HIVEP1: variants seen among roughly 807,000 people sequenced by gnomAD.
HIVEP1 encodes the protein HIVEP zinc finger 1.
A neutral mutation model predicts 180.0 loss-of-function variants in HIVEP1; 36 were observed. The ratio of observed to expected loss-of-function variants is 0.20; its 90% CI spans 0.15 to 0.26. HIVEP1 has a LOEUF of 0.26. HIVEP1 is among the 10% of genes least tolerant of loss of function. HIVEP1 has a pLI of 1.00. For synonymous variants in HIVEP1, 1,239 were observed against 1,239.0 expected (o/e 1.00, Z 0.00); for missense variants, 3,143 against 3,268.7 (o/e 0.96, Z 0.94).
chr6:12,026,535 GA>G (rs1768598011), intron 2 of HIVEP1, among the ~76,000 whole-genome samples: 1 of 152,196 alleles, frequency 6.6e-6, no homozygotes, highest in African/African-American at 2.4e-5. Flanking sequence ...CTCTAAGGAA[GA>G]AAAGAGGAAA....
chr6:12,117,290 G>A (rs1487271224), intron 3 of HIVEP1, among the ~76,000 whole-genome samples: 1 of 152,138 alleles, frequency 6.6e-6, no homozygotes, highest in African/African-American at 2.4e-5. Flanking sequence ...TATAAACAAC[G>A]ATACAGATAA....
intron 3 of HIVEP1, among the ~76,000 whole-genome samples, chr6:12,108,824 G>T (rs56872972): frequency 6.6e-6 from 1 of 152,218 alleles, no homozygotes; most frequent in Non-Finnish European, 1.5e-5. Flanking sequence ...GGCCAGCCCA[G>T]AAAGGGGCTC....
intron 2 of HIVEP1, among the ~76,000 whole-genome samples, chr6:12,054,165 G>A (rs182360005): frequency 6.6e-6 from 1 of 152,236 alleles, no homozygotes; most frequent in East Asian, 1.9e-4. Context: ...AGATATTTGG[G>A]ATTATTACAT....
upstream of HIVEP1, chr6:12,008,423 C>T (rs574407906): frequency 5.3e-5 from 8 of 152,170 alleles, no homozygotes; most frequent in African/African-American, 9.7e-5. Context: ...ATGTAGGAGG[C>T]CTCCCGCTGT....
intron 2 of HIVEP1, among the ~76,000 whole-genome samples, chr6:12,036,277 T>A (rs1289882416): frequency 6.6e-6 from 1 of 152,234 alleles, no homozygotes; most frequent in Non-Finnish European, 1.5e-5. Flanking sequence ...CAGTGCAGAC[T>A]AATAAATTGA....
At chr6:12,085,070 A>G (rs76409629) in intron 2 of HIVEP1, among the ~76,000 whole-genome samples, 3,332 of 152,228 alleles carry the variant, frequency 0.022, 52 homozygotes, top group Middle Eastern at 0.031. Context: ...TTCAGAATGC[A>G]GGTTCTGTGT....
In HIVEP1 at chr6:12,122,333, T is replaced by C. The variant is rs1187921173; in HGVS notation, c.2538T>C (p.Gly846=). ...ITRSNSMPTT[G]YSAVPANIIP... Reference sequence around the variant, plus strand: ...GAAGTAATTCCATGCCGACCACAGGTTATTCAGCAGTACCTGCAAATATAA... The same window carrying C: ...GAAGTAATTCCATGCCGACCACAGGCTATTCAGCAGTACCTGCAAATATAA... The change falls in exon 4 of 9, where the codon GGT becomes GGC. Residue 846 remains glycine (G), a synonymous_variant. Transcript: ENST00000379388. The C allele has an allele frequency of 6.2e-7, 1 of 1,614,128 alleles. No homozygotes were observed. Among genetic ancestry groups the C allele is most frequent in the Non-Finnish European group, 8.5e-7 (1 of 1,180,054 alleles).
At chr6:12,205,426 G>A in the HIVEP1 span, among the ~76,000 whole-genome samples, 1 of 151,858 alleles carries the variant, frequency 6.6e-6, no homozygotes, top group African/African-American at 2.4e-5. Flanking sequence ...AGCCGAGATT[G>A]CGCCACTGCA....
chr6:12,137,905 C>T (rs1161027738), intron 7 of HIVEP1, among the ~76,000 whole-genome samples: 1 of 152,160 alleles, frequency 6.6e-6, no homozygotes, highest in Non-Finnish European at 1.5e-5. Flanking sequence ...TGTGTGTACT[C>T]ATGTATTAAC....
At chr6:12,114,568 A>G (rs1775103475) in intron 3 of HIVEP1, among the ~76,000 whole-genome samples, 1 of 152,150 alleles carries the variant, frequency 6.6e-6, no homozygotes, top group Admixed American at 6.5e-5. Flanking sequence ...CTCTCACCGC[A>G]TATTCCCAGA....
chr6:12,210,821 T>C, the HIVEP1 span, among the ~76,000 whole-genome samples: 1 of 152,166 alleles, frequency 6.6e-6, no homozygotes, highest in African/African-American at 2.4e-5. Flanking sequence ...AGCTCCCAAA[T>C]CTGGATGTGG....
chr6:12,041,954 T>C (rs1044958524), intron 2 of HIVEP1, among the ~76,000 whole-genome samples: 8 of 150,868 alleles, frequency 5.3e-5, no homozygotes, highest in Middle Eastern at 3.2e-3. Context: ...TCACCGTGCC[T>C]GGCCAGTTTT....
intron 7 of HIVEP1, among the ~76,000 whole-genome samples, chr6:12,153,493 A>T (rs745880040): frequency 6.6e-6 from 1 of 150,614 alleles, no homozygotes; most frequent in Non-Finnish European, 1.5e-5. Context: ...AATGATGCTA[A>T]CTTAGGATCC....
intron 7 of HIVEP1, among the ~76,000 whole-genome samples, chr6:12,159,641 G>A (rs908102105): frequency 2.0e-5 from 3 of 152,146 alleles, no homozygotes; most frequent in Non-Finnish European, 4.4e-5. Context: ...AGGTGCAGGA[G>A]TCTGGGTATT....
intron 6 of HIVEP1, among the ~76,000 whole-genome samples, chr6:12,132,397 A>T (rs1479143862): frequency 6.6e-6 from 1 of 152,212 alleles, no homozygotes; most frequent in Non-Finnish European, 1.5e-5. Flanking sequence ...GAAGATCAAG[A>T]TACAATGGGA....
chr6:12,131,808 A>T (rs1477665648), intron 6 of HIVEP1, among the ~76,000 whole-genome samples: 1 of 146,068 alleles, frequency 6.8e-6, no homozygotes, highest in African/African-American at 2.5e-5. Context: ...AAAAAAAATT[A>T]ATTGATTTTT....
chr6:12,199,233 A>G, the HIVEP1 span, among the ~76,000 whole-genome samples: 1 of 152,012 alleles, frequency 6.6e-6, no homozygotes, highest in Non-Finnish European at 1.5e-5. Flanking sequence ...TGGCATTGGA[A>G]CCTACCAGAA....
intron 3 of HIVEP1, among the ~76,000 whole-genome samples, chr6:12,109,282 A>G (rs1180479337): frequency 6.6e-6 from 1 of 152,192 alleles, no homozygotes; most frequent in Non-Finnish European, 1.5e-5. Context: ...CGTGAGCCAC[A>G]GGGCCCGGCC....
intron 2 of HIVEP1, among the ~76,000 whole-genome samples, chr6:12,082,765 A>G (rs1772870976): frequency 6.6e-6 from 1 of 152,034 alleles, no homozygotes; most frequent in Admixed American, 6.6e-5. Flanking sequence ...TTGCTTATTT[A>G]TTTCCCTAAG....
Sources: allele counts gnomAD v4.1 joint callset (sites outside exome capture counted in the v4.1 genomes callset), GRCh38; gene constraint gnomAD v4.1.1; transcripts MANE v1.5; gene names NCBI Gene and HGNC (gene_info 2026-07-23, HGNC 2026-07-21).